The following XPR1 variants were observed in gnomAD, a reference collection of about 807,000 sequenced individuals.
XPR1 encodes xenotropic and polytropic retrovirus receptor 1.
A neutral mutation model predicts 87.5 loss-of-function variants in XPR1; 28 were observed. The ratio of observed to expected loss-of-function variants is 0.32; its 90% CI spans 0.24 to 0.44. The LOEUF is 0.44. Among genes scored for constraint, XPR1 ranks in the 20% least tolerant of loss-of-function variants. XPR1 has a pLI of 1.00. For missense variants in XPR1, 559 were observed against 862.3 expected, an observed-to-expected ratio of 0.65 and a Z score of 4.41; for synonymous variants, 300 against 306.1, an observed-to-expected ratio of 0.98 and a Z score of 0.21.
intron 14 of XPR1, among the ~76,000 whole-genome samples, chr1:180,881,933 A>C (rs1459403660): frequency 6.6e-6 from 1 of 152,220 alleles, no homozygotes; most frequent in African/African-American, 2.4e-5. Context: ...AAAACAAAGC[A>C]TGGTTGGTGC....
At chr1:180,743,936 C>A (rs1278279255) in intron 2 of XPR1, among the ~76,000 whole-genome samples, 1 of 152,156 alleles carries the variant, frequency 6.6e-6, no homozygotes, top group Non-Finnish European at 1.5e-5. Flanking sequence ...TGATTATGAT[C>A]CATCTGGCCT....
chr1:180,866,042 C>T (rs1283936177), intron 12 of XPR1, among the ~76,000 whole-genome samples: 4 of 151,702 alleles, frequency 2.6e-5, no homozygotes, highest in African/African-American at 7.3e-5. Flanking sequence ...ACTGACTCTA[C>T]TAAAATAAAA....
At chr1:180,666,067 T>C (rs1163574038) in intron 1 of XPR1, among the ~76,000 whole-genome samples, 1 of 152,226 alleles carries the variant, frequency 6.6e-6, no homozygotes, top group Non-Finnish European at 1.5e-5. Context: ...AAGACTGTTT[T>C]CTCCATTGGG....
intron 9 of XPR1, among the ~76,000 whole-genome samples, chr1:180,832,307 A>G (rs1457010109): frequency 6.6e-6 from 1 of 152,134 alleles, no homozygotes; most frequent in African/African-American, 2.4e-5. Flanking sequence ...TCAGATGGAT[A>G]GATTGCAAAA....
chr1:180,704,390 G>C (rs1244500947), intron 2 of XPR1, among the ~76,000 whole-genome samples: 2 of 150,476 alleles, frequency 1.3e-5, no homozygotes, highest in African/African-American at 4.9e-5. Context: ...TTATTAGCCA[G>C]AATTCTTCTA....
chr1:180,670,735 A>C lies in XPR1; in HGVS notation c.70-11625A>C, dbSNP rs76334796. Among the ~76,000 whole-genome samples, 301 of 152,254 alleles carry C rather than the reference A, an allele frequency of 2.0e-3. 3 individuals carry two copies. The highest frequency in any genetic ancestry group is 0.015 in the Admixed American group (232 of 15,292). ...TTTATACAGCTTTGAGTTACTGTCTAGTGTTCTTTCATTTCATTTTGCAGG... is the reference window on the plus strand; with the variant it reads ...TTTATACAGCTTTGAGTTACTGTCTCGTGTTCTTTCATTTCATTTTGCAGG... On this transcript the variant is annotated intron_variant, in intron 1 of 14. Transcript: ENST00000367590.
chr1:180,717,608 G>A lies in XPR1; in HGVS notation c.121+35197G>A, dbSNP rs181064287. 2.0e-5 allele frequency among the ~76,000 whole-genome samples: 3 copies of A among 152,148 alleles called. No homozygotes were observed. In the East Asian group the frequency reaches 5.8e-4, roughly 29 times the overall value. On this transcript the variant is annotated intron_variant, in intron 2 of 14. Transcript: ENST00000367590. Reference sequence around the variant, plus strand: ...TACATCAGAATCTTGGGTGTGGATTGGGAAATATTATTTTCAAAATATGTT... The same window carrying A: ...TACATCAGAATCTTGGGTGTGGATTAGGAAATATTATTTTCAAAATATGTT...
chr1:180,753,728 G>A (rs1193353145), intron 2 of XPR1, among the ~76,000 whole-genome samples: 1 of 152,028 alleles, frequency 6.6e-6, no homozygotes, highest in Non-Finnish European at 1.5e-5. Flanking sequence ...TATCTATATA[G>A]TATATTGTAT....
intron 2 of XPR1, among the ~76,000 whole-genome samples, chr1:180,773,450 A>C (rs1318923552): frequency 1.3e-5 from 2 of 152,230 alleles, no homozygotes; most frequent in Non-Finnish European, 1.5e-5. Flanking sequence ...TCCTAAGAAC[A>C]ACAGAGAGTT....
chr1:180,717,339 C>T (rs1658029956), intron 2 of XPR1, among the ~76,000 whole-genome samples: 1 of 152,060 alleles, frequency 6.6e-6, no homozygotes, highest in Non-Finnish European at 1.5e-5. Context: ...AGGAGAATGT[C>T]ATAGGCATAA....
chr1:180,882,820 T>C (rs978202290), intron 14 of XPR1, among the ~76,000 whole-genome samples: 4 of 152,246 alleles, frequency 2.6e-5, no homozygotes, highest in African/African-American at 7.2e-5. Context: ...TTGTCAACTC[T>C]TTGAAGAGAA....
At chr1:180,712,101 A>G (rs1260822017) in intron 2 of XPR1, among the ~76,000 whole-genome samples, 1 of 152,236 alleles carries the variant, frequency 6.6e-6, no homozygotes, top group African/African-American at 2.4e-5. Context: ...ATTTATACAT[A>G]CATATGATAA....
intron 3 of XPR1, among the ~76,000 whole-genome samples, chr1:180,803,026 T>C (rs960086314): frequency 6.7e-6 from 1 of 149,862 alleles, no homozygotes; most frequent in Non-Finnish European, 1.5e-5. Context: ...AGCATATGTT[T>C]TCAGCTCTCT....
chr1:180,844,513 T>G (rs1432349800), intron 11 of XPR1, among the ~76,000 whole-genome samples: 1 of 152,184 alleles, frequency 6.6e-6, no homozygotes, highest in Non-Finnish European at 1.5e-5. Context: ...TGTATGTGAC[T>G]CTCTTTCCCT....
chr1:180,660,909 C>G (rs912697902), intron 1 of XPR1, among the ~76,000 whole-genome samples: 1 of 152,078 alleles, frequency 6.6e-6, no homozygotes, highest in Non-Finnish European at 1.5e-5. Flanking sequence ...TGTTGATTTT[C>G]TGTCTTGATC....
rs572246729 is a variant in XPR1, at chr1:180,844,195, G to A, written c.1501+7479G>A. On this transcript the variant is annotated intron_variant, in intron 11 of 14. Coordinates refer to ENST00000367590, the MANE Select transcript of XPR1 (RefSeq NM_004736.4). ...CATTGCACTCCAGCCTGGGCGACAG[G>A]GCAAGACTCCGTCTAAGAAAAAAAG... Among the ~76,000 whole-genome samples, 3 of 152,068 alleles carry A rather than the reference G, an allele frequency of 2.0e-5. No homozygotes were observed. The South Asian group carries it at 6.2e-4, about 31-fold the overall frequency.
chr1:180,635,646 A>G (rs767508831), intron 1 of XPR1, among the ~76,000 whole-genome samples: 13 of 152,162 alleles, frequency 8.5e-5, no homozygotes, highest in Non-Finnish European at 1.5e-4. Flanking sequence ...TTGTTTTTCC[A>G]GGCAAGGAAA....
chr1:180,734,415 T>C (rs1018518545), intron 2 of XPR1, among the ~76,000 whole-genome samples: 7 of 152,276 alleles, frequency 4.6e-5, no homozygotes, highest in African/African-American at 1.4e-4. Flanking sequence ...GGAAGAGGAA[T>C]TGGTCAACAG....
chr1:180,698,216 G>T (rs116435919), intron 2 of XPR1, among the ~76,000 whole-genome samples: 1 of 151,872 alleles, frequency 6.6e-6, no homozygotes, highest in Non-Finnish European at 1.5e-5. Flanking sequence ...TACAGTTTTT[G>T]ACTTAAAGTT....
Sources: gnomAD v4.1 joint callset for allele counts (sites outside exome capture counted in the v4.1 genomes callset) on GRCh38, gnomAD v4.1.1 for gene constraint, MANE v1.5 for transcripts, NCBI Gene and HGNC (gene_info 2026-07-23, HGNC 2026-07-21) for gene names.